RUNX3: variants seen among roughly 807,000 people sequenced by gnomAD.
The protein encoded by RUNX3 is runt-related transcription factor 3.
Under a neutral mutation model 27.7 loss-of-function variants are expected in RUNX3, and 10 were observed. The observed-to-expected ratio is 0.36, with a 90% confidence interval of 0.22 to 0.61. RUNX3 has a LOEUF of 0.61. Ranked by LOEUF, RUNX3 falls within the 20% of genes least tolerant of loss-of-function variation. The probability of loss-of-function intolerance (pLI) is 0.72; values close to 1 mark genes in which losing one functional copy is unlikely to be tolerated. For synonymous variants in RUNX3, 270 were observed against 269.2 expected, an observed-to-expected ratio of 1.00 and a Z score of -0.03; for missense variants, 469 against 629.5, an observed-to-expected ratio of 0.75 and a Z score of 2.73.
At chr1:24,925,051 C>T (rs1329527888) in intron 2 of RUNX3, among the ~76,000 whole-genome samples, 1 of 152,174 alleles carries the variant, frequency 6.6e-6, no homozygotes, top group Non-Finnish European at 1.5e-5. Context: ...TTCCATCAGA[C>T]TTCTTAGTTC....
intron 2 of RUNX3, among the ~76,000 whole-genome samples, chr1:24,940,304 A>T (rs1423999853): frequency 6.6e-6 from 1 of 152,186 alleles, no homozygotes; most frequent in Non-Finnish European, 1.5e-5. Flanking sequence ...CTCAGCTCAT[A>T]GCAAACACGT....
At chr1:24,928,347 T>C (rs1641140063) in intron 1 of RUNX3, among the ~76,000 whole-genome samples, 1 of 152,176 alleles carries the variant, frequency 6.6e-6, no homozygotes, top group Non-Finnish European at 1.5e-5. Context: ...GGGCTTTTGA[T>C]AATGGAAGGA....
chr1:24,905,838 G>A (rs551107615), intron 4 of RUNX3, among the ~76,000 whole-genome samples: 2 of 152,386 alleles, frequency 1.3e-5, no homozygotes, highest in South Asian at 2.1e-4. Context: ...CAGAAGCAGA[G>A]GCAGCTACGC....
Position 24,907,403 on chromosome 1 carries a change from G to T in RUNX3, c.559C>A (p.Leu187Met). Residue 187 changes from leucine to methionine, a missense_variant, in exon 4 of 5, where the codon CTG becomes ATG. Leu to Met is a conservative substitution (Grantham distance 15). Around this residue, in one of 3 missense-constraint regions of RUNX3, gnomAD observed 279 missense variants for 343.0 expected, o/e 0.81. Transcript: ENST00000308873. ...PREPRRHRQK[L>M]EDQTKPFPDR... ...GGGAACGGCTTGGTCTGGTCCTCCA[G>T]CTTCTGCCGGTGCCCTGCAGAGCAC... The T allele has an allele frequency of 6.2e-7, 1 of 1,613,368 alleles. No homozygotes were observed.
chr1:24,931,794 ACCTCGGGACCTCACAGCACGC>A (rs1419667800), upstream of RUNX3, among the ~76,000 whole-genome samples: 3 of 151,932 alleles, frequency 2.0e-5, no homozygotes, highest in East Asian at 5.8e-4. Flanking sequence ...GCCCCTACCC[ACCTCGGGACCTCACAGCACGC>A]CCTCAGGCCG....
intron 2 of RUNX3, among the ~76,000 whole-genome samples, chr1:24,951,914 G>A (rs1218875834): frequency 2.0e-5 from 3 of 152,082 alleles, no homozygotes; most frequent in African/African-American, 4.8e-5. Flanking sequence ...AGACTTTAGT[G>A]AGCAAGATTA....
chr1:24,931,191 G>T (rs1036641462), upstream of RUNX3, among the ~76,000 whole-genome samples: 8 of 152,282 alleles, frequency 5.3e-5, no homozygotes, highest in East Asian at 1.5e-3. Flanking sequence ...CTCGCTTTCA[G>T]AGGAGAGAAT....
At chr1:24,959,486 T>C (rs994312682) in intron 2 of RUNX3, among the ~76,000 whole-genome samples, 4 of 152,130 alleles carry the variant, frequency 2.6e-5, no homozygotes, top group African/African-American at 7.2e-5. Context: ...TGGCGGTCAG[T>C]CTGTTCCTCT....
chr1:24,929,544 AGCCCCAGGGCCGGC>A lies in RUNX3; in HGVS notation c.282+29_282+42del, dbSNP rs150424901. ...TGGCTCCCGCAGCTCAGACGCCCGG[AGCCCCAGGGCCGGC>A]GCCCTCCCGCCCCGGGTCCCGCACT... is the stretch of plus-strand genomic sequence containing the variant. On this transcript the variant is annotated intron_variant, in intron 1 of 4. Coordinates refer to ENST00000308873, the MANE Select transcript of RUNX3 (RefSeq NM_004350.3). The A allele has an allele frequency of 0.011, 17,786 of 1,547,950 alleles. 853 individuals carry two copies. In the African/African-American group the frequency reaches 0.15, roughly 13 times the overall value.
intron 2 of RUNX3, among the ~76,000 whole-genome samples, chr1:24,953,402 G>GAAAAAAAAAAA (rs553316885): frequency 1.4e-5 from 1 of 70,478 alleles, no homozygotes; most frequent in Non-Finnish European, 2.9e-5. Flanking sequence ...AAAGAAAAAT[G>GAAAAAAAAAAA]AAAAAAAAAA....
intron 2 of RUNX3, chr1:24,964,481 C>T (rs1056040767): frequency 1.9e-6 from 3 of 1,575,800 alleles, no homozygotes; most frequent in Non-Finnish European, 2.6e-6. Context: ...GGCCACAGCT[C>T]CCCACCCAGG....
chr1:24,955,119 T>A (rs1641883055), intron 2 of RUNX3, among the ~76,000 whole-genome samples: 1 of 152,178 alleles, frequency 6.6e-6, no homozygotes, highest in Admixed American at 6.5e-5. Context: ...GCAAGGTTCC[T>A]TCCTCCCCAG....
rs758386128 is a variant in RUNX3, at chr1:24,919,240, G to A, written c.544C>T (p.Arg182Trp). Residue 182 changes from arginine to tryptophan, a missense_variant and splice_region_variant, in exon 3 of 5, where the codon CGG becomes TGG. By Grantham distance (101) the Arg-to-Trp change is moderately radical. Transcript: ENST00000308873. ...VTVDGPREPRRHRQKLEDQTK... is the reference protein window; with the variant it reads ...VTVDGPREPRWHRQKLEDQTK... ...GCTCAGGGGGCTCGGTGGCACTTAC[G>A]TCTGGGCTCCCGGGGTCCGTCCACG... 3 of 1,590,184 alleles carry A rather than the reference G, an allele frequency of 1.9e-6. No homozygotes were observed. Among genetic ancestry groups the A allele is most frequent in the Non-Finnish European group, 2.6e-6 (3 of 1,168,572 alleles).
At chr1:24,954,490 G>A (rs1048405248) in intron 2 of RUNX3, among the ~76,000 whole-genome samples, 7 of 152,320 alleles carry the variant, frequency 4.6e-5, no homozygotes, top group Admixed American at 1.3e-4. Context: ...GTTGCACAGG[G>A]TCCCTTGCTT....
intron 3 of RUNX3, among the ~76,000 whole-genome samples, chr1:24,918,026 C>T (rs982412154): frequency 2.0e-5 from 3 of 152,184 alleles, no homozygotes; most frequent in East Asian, 1.9e-4. Flanking sequence ...TGGGAGCTGA[C>T]GGTGCAGGCC....
intron 2 of RUNX3, among the ~76,000 whole-genome samples, chr1:24,959,437 C>A (rs539080824): frequency 6.6e-5 from 10 of 152,296 alleles, no homozygotes; most frequent in South Asian, 4.1e-4. Flanking sequence ...ACCTAGCAGA[C>A]GTGGCGCCAG....
intron 2 of RUNX3, among the ~76,000 whole-genome samples, chr1:24,924,493 T>A (rs1025136892): frequency 2.1e-4 from 32 of 152,030 alleles, no homozygotes; most frequent in Non-Finnish European, 4.3e-4. Flanking sequence ...TTTTTTTTTT[T>A]AATTTTGTTC....
upstream of RUNX3, among the ~76,000 whole-genome samples, chr1:24,934,390 G>A (rs1258691315): frequency 6.6e-6 from 1 of 152,166 alleles, no homozygotes; most frequent in African/African-American, 2.4e-5. Flanking sequence ...TTTTTGGAAA[G>A]TTCCAGACTT....
rs996211704 is a variant in RUNX3, at chr1:24,902,853, C to G, written c.704-187G>C. Among the ~76,000 whole-genome samples the G allele has an allele frequency of 6.6e-6, 1 of 152,164 alleles. No individual in the cohort carries two copies. Among genetic ancestry groups the G allele is most frequent in the Non-Finnish European group, 1.5e-5 (1 of 68,014 alleles). On this transcript the variant is annotated intron_variant, in intron 4 of 4. Transcript: ENST00000308873. The surrounding 1 kb of genome is among the most constrained non-coding windows in gnomAD (Gnocchi z 9.2). ...GCCAGGACTCCGAACACAGACCTGC[C>G]GGGAAGCTGGTTGGAGCGTGCCCCG...
Sources: gnomAD v4.1 joint callset for allele counts (sites outside exome capture counted in the v4.1 genomes callset) on GRCh38, gnomAD v4.1.1 for gene constraint, gnomAD v4.1.1 regional missense constraint, Gnocchi (gnomAD v3.1) non-coding constraint, MANE v1.5 for transcripts, NCBI Gene and HGNC (gene_info 2026-07-23, HGNC 2026-07-21) for gene names.